The following MCHR2 variants were observed in gnomAD, a reference collection of about 807,000 sequenced individuals.
MCHR2 encodes melanin concentrating hormone receptor 2, also known as melanin-concentrating hormone receptor 2.
Under a neutral mutation model 24.8 loss-of-function variants are expected in MCHR2, and 15 were observed. The ratio of observed to expected loss-of-function variants is 0.60; its 90% CI spans 0.40 to 0.93. The LOEUF (loss-of-function observed/expected upper bound fraction) is 0.93, where lower values mean the gene tolerates loss of function less well. Among genes scored for constraint, MCHR2 ranks in the 40% least tolerant of loss-of-function variants. The pLI is 0.00. For synonymous variants in MCHR2, 151 were observed against 147.6 expected, an observed-to-expected ratio of 1.02 and a Z score of -0.17; for missense variants, 386 against 408.7, an observed-to-expected ratio of 0.94 and a Z score of 0.48.
At chr6:99,989,572 C>T (rs970083023) in intron 1 of MCHR2, among the ~76,000 whole-genome samples, 5 of 152,108 alleles carry the variant, frequency 3.3e-5, no homozygotes, top group Non-Finnish European at 7.4e-5. Context: ...GACCTTTGAC[C>T]TCTACCCTGA....
intron 1 of MCHR2, among the ~76,000 whole-genome samples, chr6:99,983,237 C>T (rs1234747297): frequency 6.6e-6 from 1 of 152,166 alleles, no homozygotes; most frequent in Non-Finnish European, 1.5e-5. Flanking sequence ...TCCCAAAGTG[C>T]TGGGATTACA....
intron 1 of MCHR2, among the ~76,000 whole-genome samples, chr6:99,978,575 C>T (rs923930001): frequency 2.1e-4 from 32 of 151,902 alleles, no homozygotes; most frequent in African/African-American, 6.0e-4. Context: ...CCCACCACCA[C>T]GCCCAGCTAA....
rs377546353 is a variant in MCHR2, at chr6:99,929,906, G to A, written c.707+4492C>T. Among the ~76,000 whole-genome samples the A allele has an allele frequency of 8.7e-5, 13 of 149,934 alleles. No homozygotes were observed. In the East Asian group the frequency reaches 9.7e-4, roughly 11 times the overall value. Reference sequence around the variant, plus strand: ...ATGATGTTAGCTGGTTATTTTGCTCGTTAGTTGATGCAGTTTCTTCCTAGC... The same window carrying A: ...ATGATGTTAGCTGGTTATTTTGCTCATTAGTTGATGCAGTTTCTTCCTAGC... On this transcript the variant is annotated intron_variant, in intron 5 of 5. Transcript: ENST00000281806.
chr6:99,924,616 GT>G (rs1287647872), intron 5 of MCHR2, among the ~76,000 whole-genome samples: 1 of 151,884 alleles, frequency 6.6e-6, no homozygotes, highest in African/African-American at 2.4e-5. Flanking sequence ...ATTATCATTT[GT>G]TTCAAGAAAT....
intron 4 of MCHR2, among the ~76,000 whole-genome samples, chr6:99,941,136 C>T (rs1403737624): frequency 6.6e-6 from 1 of 150,986 alleles, no homozygotes; most frequent in Admixed American, 6.6e-5. Context: ...AGTGTAGAAA[C>T]TGTGAGTTGG....
At chr6:99,943,413 C>A (rs1433858410) in intron 3 of MCHR2, among the ~76,000 whole-genome samples, 1 of 150,604 alleles carries the variant, frequency 6.6e-6, no homozygotes, top group African/African-American at 2.4e-5. Context: ...TATACATGTG[C>A]CATGCTGGTG....
intron 1 of MCHR2, among the ~76,000 whole-genome samples, chr6:99,973,858 T>A (rs1268538761): frequency 6.6e-6 from 1 of 152,186 alleles, no homozygotes; most frequent in Non-Finnish European, 1.5e-5. Flanking sequence ...GGGTTGAAAA[T>A]TCTTTCTTTA....
chr6:99,949,453 G>GT (rs915849802), intron 2 of MCHR2, among the ~76,000 whole-genome samples: 9 of 152,178 alleles, frequency 5.9e-5, no homozygotes, highest in Admixed American at 3.3e-4. Flanking sequence ...ACAATTGCTA[G>GT]TTTTTTCCTA....
intron 5 of MCHR2, among the ~76,000 whole-genome samples, chr6:99,924,000 T>G (rs1266640860): frequency 6.6e-6 from 1 of 152,224 alleles, no homozygotes; most frequent in Non-Finnish European, 1.5e-5. Context: ...ATTAGCTTTT[T>G]AAATGTTTAG....
chr6:99,972,325 C>T (rs960070290), intron 1 of MCHR2, among the ~76,000 whole-genome samples: 6 of 152,300 alleles, frequency 3.9e-5, no homozygotes, highest in Non-Finnish European at 8.8e-5. Flanking sequence ...TCCATTTCTT[C>T]TAGATTTTCT....
chr6:99,922,354 G>A (rs982787348), intron 5 of MCHR2, among the ~76,000 whole-genome samples: 10 of 152,088 alleles, frequency 6.6e-5, no homozygotes, highest in Middle Eastern at 3.4e-3. Flanking sequence ...CGATCCGCCC[G>A]CCTCGGCCAT....
intron 2 of MCHR2, among the ~76,000 whole-genome samples, chr6:99,951,096 C>T (rs1419342325): frequency 1.3e-5 from 2 of 152,118 alleles, no homozygotes; most frequent in Non-Finnish European, 2.9e-5. Flanking sequence ...ACTGAAAAAC[C>T]TCTTTCTCCC....
intron 5 of MCHR2, among the ~76,000 whole-genome samples, chr6:99,928,889 G>C (rs1774435324): frequency 6.6e-6 from 1 of 152,112 alleles, no homozygotes; most frequent in South Asian, 2.1e-4. Flanking sequence ...GCTTTTGAAT[G>C]TGTTTGCTCT....
At chr6:99,922,827 T>G (rs533074981) in intron 5 of MCHR2, among the ~76,000 whole-genome samples, 1 of 152,304 alleles carries the variant, frequency 6.6e-6, no homozygotes, top group Admixed American at 6.5e-5. Context: ...GGTAATATGA[T>G]TCCTCTAGTT....
At chr6:99,938,026 T>A (rs1241546188) in intron 4 of MCHR2, among the ~76,000 whole-genome samples, 1 of 151,996 alleles carries the variant, frequency 6.6e-6, no homozygotes, top group Non-Finnish European at 1.5e-5. Flanking sequence ...TGACTCTTTG[T>A]ATTTCTGAGG....
intron 3 of MCHR2, 139 bp from the exon 4 acceptor site, chr6:99,943,282 TTA>T (rs1554194132): frequency 2.4e-4 from 67 of 275,910 alleles, no homozygotes; most frequent in South Asian, 4.9e-4. Flanking sequence ...AAAGAAAGTT[TTA>T]TATATATATA....
intron 1 of MCHR2, among the ~76,000 whole-genome samples, chr6:99,982,746 C>A (rs1160002659): frequency 6.6e-6 from 1 of 152,062 alleles, no homozygotes; most frequent in East Asian, 1.9e-4. Flanking sequence ...TCTCCCTAAA[C>A]CTCTGATGCA....
chr6:99,951,281 G>A (rs1202059805), intron 2 of MCHR2, among the ~76,000 whole-genome samples: 4 of 152,084 alleles, frequency 2.6e-5, no homozygotes, highest in African/African-American at 9.7e-5. Context: ...TGGATTAGTA[G>A]TCATTTCCTG....
chr6:99,960,492 A>T (rs950399791), intron 1 of MCHR2, among the ~76,000 whole-genome samples: 3 of 152,200 alleles, frequency 2.0e-5, no homozygotes, highest in Non-Finnish European at 4.4e-5. Flanking sequence ...TTCAAAGTTC[A>T]TATGGAACCA....
Sources: gnomAD v4.1 joint callset for allele counts (sites outside exome capture counted in the v4.1 genomes callset) on GRCh38, gnomAD v4.1.1 for gene constraint, MANE v1.5 for transcripts, NCBI Gene and HGNC (gene_info 2026-07-23, HGNC 2026-07-21) for gene names.